ITPK1: variants seen among roughly 807,000 people sequenced by gnomAD.
The protein encoded by ITPK1 is inositol 1,3,4-trisphosphate 5/6-kinase.
A neutral mutation model predicts 45.3 loss-of-function variants in ITPK1; 21 were observed. The ratio of observed to expected loss-of-function variants is 0.46; its 90% CI spans 0.33 to 0.67. The LOEUF (loss-of-function observed/expected upper bound fraction) is 0.67. Among genes scored for constraint, ITPK1 ranks in the 30% least tolerant of loss-of-function variants. The pLI is 0.02. For missense variants in ITPK1, 474 were observed against 573.5 expected, an observed-to-expected ratio of 0.83 and a Z score of 1.77; for synonymous variants, 258 against 253.6, an observed-to-expected ratio of 1.02 and a Z score of -0.16.
At chr14:93,099,348 G>A (rs984559260) in intron 2 of ITPK1, among the ~76,000 whole-genome samples, 2 of 152,170 alleles carry the variant, frequency 1.3e-5, no homozygotes, top group African/African-American at 4.8e-5. Context: ...AAGCAGGACA[G>A]GGTCAAACAG....
chr14:92,980,843 G>A (rs2139781817), intron 5 of ITPK1, among the ~76,000 whole-genome samples: 1 of 152,286 alleles, frequency 6.6e-6, no homozygotes, highest in South Asian at 2.1e-4. Flanking sequence ...AAGTAGCTGG[G>A]ACTACAGGCA....
intron 5 of ITPK1, among the ~76,000 whole-genome samples, chr14:92,983,046 C>G (rs1886308145): frequency 6.6e-6 from 1 of 152,214 alleles, no homozygotes; most frequent in African/African-American, 2.4e-5. Flanking sequence ...CAGGTTTCCT[C>G]CCACCTGACT....
intron 3 of ITPK1, among the ~76,000 whole-genome samples, chr14:93,044,620 A>G (rs942061327): frequency 7.9e-5 from 12 of 152,328 alleles, no homozygotes; most frequent in Admixed American, 5.2e-4. Flanking sequence ...ACTGACCCAG[A>G]TGCAGAACTG....
intron 4 of ITPK1, among the ~76,000 whole-genome samples, chr14:93,000,521 A>C (rs565806734): frequency 6.6e-6 from 1 of 152,294 alleles, no homozygotes; most frequent in South Asian, 2.1e-4. Flanking sequence ...GTCAAACACA[A>C]CCAGCTGGGG....
chr14:92,996,040 G>C (rs1007969762), intron 4 of ITPK1, among the ~76,000 whole-genome samples: 1 of 152,080 alleles, frequency 6.6e-6, no homozygotes, highest in African/African-American at 2.4e-5. Context: ...TCATGCATGA[G>C]GCCCTCCCCG....
chr14:92,941,611 A>G lies in ITPK1; in HGVS notation c.1195T>C (p.Phe399Leu). 1 of 1,538,412 alleles carries G rather than the reference A, an allele frequency of 6.5e-7. No individual in the cohort carries two copies. The highest frequency in any genetic ancestry group is 8.7e-7 in the Non-Finnish European group (1 of 1,144,670). Reference sequence around the variant, plus strand: ...AGGGAGGCCACACAATGCTGCTGGAAGCTGGGCGACACGCCGGCGTTGCAG... The same window carrying G: ...AGGGAGGCCACACAATGCTGCTGGAGGCTGGGCGACACGCCGGCGTTGCAG... ...LGCNAGVSPS[F>L]QQHCVASLAT... Residue 399 changes from phenylalanine to leucine, a missense_variant, in exon 11 of 11, where the codon TTC becomes CTC. By Grantham distance (22) the Phe-to-Leu change is conservative. This residue lies in a region of ITPK1 where 107 missense variants were observed against 92.9 expected (regional missense o/e 1.15). Coordinates refer to ENST00000267615, the MANE Select transcript of ITPK1 (RefSeq NM_014216.6).
intron 3 of ITPK1, among the ~76,000 whole-genome samples, chr14:93,044,147 A>C (rs1889681020): frequency 6.6e-6 from 1 of 152,170 alleles, no homozygotes; most frequent in Admixed American, 6.5e-5. Context: ...AGGGTCACAA[A>C]CTGAAGCGCC....
At chr14:93,078,586 T>C (rs1163462850) in intron 2 of ITPK1, among the ~76,000 whole-genome samples, 2 of 152,096 alleles carry the variant, frequency 1.3e-5, no homozygotes, top group Non-Finnish European at 2.9e-5. Context: ...TGGTGGCCAA[T>C]ATCCATCTGC....
chr14:92,985,722 G>A (rs1053117441), intron 5 of ITPK1, among the ~76,000 whole-genome samples: 1 of 151,952 alleles, frequency 6.6e-6, no homozygotes, highest in Non-Finnish European at 1.5e-5. Context: ...CCATCAGGGC[G>A]CCAGGGGCTG....
At chr14:93,042,562 C>T (rs897542310) in intron 3 of ITPK1, among the ~76,000 whole-genome samples, 2 of 152,194 alleles carry the variant, frequency 1.3e-5, no homozygotes, top group Admixed American at 1.3e-4. Flanking sequence ...GGACTTAACA[C>T]GGCTTTGAAG....
chr14:92,991,976 A>G (rs546833439), intron 5 of ITPK1, among the ~76,000 whole-genome samples: 1 of 152,222 alleles, frequency 6.6e-6, no homozygotes, highest in East Asian at 1.9e-4. Flanking sequence ...ACCAGGTATC[A>G]CCCATATCTT....
chr14:92,956,160 C>T (rs1884712546), intron 8 of ITPK1, among the ~76,000 whole-genome samples: 1 of 151,654 alleles, frequency 6.6e-6, no homozygotes, highest in African/African-American at 2.4e-5. Context: ...CTTACTGTCA[C>T]CCAGGCTGGA....
intron 3 of ITPK1, among the ~76,000 whole-genome samples, chr14:93,027,859 C>G (rs779909634): frequency 7.2e-5 from 11 of 152,360 alleles, no homozygotes; most frequent in Non-Finnish European, 1.3e-4. Context: ...ACTGAAAACC[C>G]TTCCCTGCTC....
At chr14:93,088,111 C>A (rs1891719209) in intron 2 of ITPK1, among the ~76,000 whole-genome samples, 1 of 152,162 alleles carries the variant, frequency 6.6e-6, no homozygotes, top group Non-Finnish European at 1.5e-5. Context: ...AGAGAGGATT[C>A]CAGGGGCCTG....
intron 2 of ITPK1, among the ~76,000 whole-genome samples, chr14:93,104,677 T>A (rs945477773): frequency 6.6e-6 from 1 of 152,076 alleles, no homozygotes; most frequent in Non-Finnish European, 1.5e-5. Context: ...CCCTCAGCCA[T>A]CCTGGAGGGT....
intron 5 of ITPK1, among the ~76,000 whole-genome samples, chr14:92,964,642 G>A (rs890892855): frequency 1.8e-4 from 27 of 152,206 alleles, no homozygotes; most frequent in African/African-American, 3.9e-4. Flanking sequence ...TCGGACGGGC[G>A]CTCACCAGCC....
At chr14:92,980,182 A>G (rs927437154) in intron 5 of ITPK1, among the ~76,000 whole-genome samples, 2 of 152,194 alleles carry the variant, frequency 1.3e-5, no homozygotes, top group Non-Finnish European at 2.9e-5. Context: ...GCTTCGATGC[A>G]GGATCCTCGT....
At position 93,115,317 on chromosome 14, in the gene ITPK1, A is replaced by AGCGGAGCGGGGCGGGGCGCG; in HGVS notation, c.-142-32_-142-13dup. The AGCGGAGCGGGGCGGGGCGCG allele has an allele frequency of 2.9e-6, 1 of 342,500 alleles. No individual in the cohort carries two copies. The highest frequency in any genetic ancestry group is 5.2e-6 in the Non-Finnish European group (1 of 192,762). The allele number at this position is 342,500 out of a possible 1,614,324, so 21.2% of individuals were successfully genotyped here. A position where few individuals can be genotyped will look rare whatever the true frequency, so the allele number is the denominator to read the frequency against. On this transcript the variant is annotated splice_polypyrimidine_tract_variant and intron_variant, in intron 1 of 10. Coordinates refer to ENST00000267615, the MANE Select transcript of ITPK1 (RefSeq NM_014216.6). Reference sequence around the variant, plus strand: ...TGGGGCGCGCAGTCCTGCCGCGCGGAGCGGAGCGGGGCGGGGCGCGGCGGG... The same window carrying AGCGGAGCGGGGCGGGGCGCG: ...TGGGGCGCGCAGTCCTGCCGCGCGGAGCGGAGCGGGGCGGGGCGCGGCGGAGCGGGGCGGGGCGCGGCGGG...
intron 5 of ITPK1, among the ~76,000 whole-genome samples, chr14:92,976,692 A>G (rs984389963): frequency 6.6e-6 from 1 of 152,252 alleles, no homozygotes; most frequent in African/African-American, 2.4e-5. Context: ...AACTTGTGTC[A>G]TCTTTATAGC....
Sources: allele counts gnomAD v4.1 joint callset (sites outside exome capture counted in the v4.1 genomes callset), GRCh38; gene constraint gnomAD v4.1.1; regional missense constraint gnomAD v4.1.1; transcripts MANE v1.5; gene names NCBI Gene and HGNC (gene_info 2026-07-23, HGNC 2026-07-21).